The following DCAF8L2 variants were observed in gnomAD, a reference collection of about 807,000 sequenced individuals.
DCAF8L2 encodes the protein DDB1- and CUL4-associated factor 8-like protein 2.
For synonymous variants in DCAF8L2, 200 were observed against 190.9 expected, an observed-to-expected ratio of 1.05 and a Z score of -0.39; for missense variants, 430 against 490.7, an observed-to-expected ratio of 0.88 and a Z score of 1.17.
intron 4 of DCAF8L2, among the ~76,000 whole-genome samples, chrX:27,727,261 G>A (rs920646566): frequency 1.8e-5 from 2 of 111,181 alleles, no homozygotes; most frequent in African/African-American, 3.3e-5. Context: ...TAATCTATAT[G>A]TCTCATTTGT....
chrX:27,644,582 T>C (rs113078524), intron 2 of DCAF8L2, among the ~76,000 whole-genome samples: 2 of 110,145 alleles, frequency 1.8e-5, no homozygotes, highest in Non-Finnish European at 3.8e-5. Flanking sequence ...ATAGCTCAGC[T>C]TTCAGGAAGC....
At chrX:27,651,505 CTTT>C (rs1170253991) in intron 2 of DCAF8L2, among the ~76,000 whole-genome samples, 2 of 88,216 alleles carry the variant, frequency 2.3e-5, no homozygotes, top group Non-Finnish European at 4.4e-5. Context: ...AGTAGATAAC[CTTT>C]TTTTTTTTTT....
intron 2 of DCAF8L2, among the ~76,000 whole-genome samples, chrX:27,642,878 T>C (rs867250161): frequency 1.8e-5 from 2 of 112,034 alleles, no homozygotes; most frequent in Non-Finnish European, 3.8e-5. Context: ...GCAGGTGATA[T>C]GACAAGCATC....
chrX:27,577,528 A>T, the DCAF8L2 span, among the ~76,000 whole-genome samples: 1 of 112,080 alleles, frequency 8.9e-6, no homozygotes, highest in Non-Finnish European at 1.9e-5. Flanking sequence ...TATTAAAGAC[A>T]TAAAATAGGA....
chrX:27,601,101 C>T (rs940680807), intron 1 of DCAF8L2, among the ~76,000 whole-genome samples: 2 of 111,164 alleles, frequency 1.8e-5, no homozygotes, highest in Non-Finnish European at 3.8e-5. Flanking sequence ...CAACACCTGG[C>T]TAATTTTTGT....
chrX:27,518,099 TA>T, the DCAF8L2 span: 21 of 903,429 alleles, frequency 2.3e-5, no homozygotes, highest in Non-Finnish European at 3.2e-5. Context: ...TCTGAGGAAT[TA>T]ATTCAAGAAA....
intron 1 of DCAF8L2, among the ~76,000 whole-genome samples, chrX:27,621,632 A>ACC (rs1927763982): frequency 9.0e-6 from 1 of 111,017 alleles, no homozygotes; most frequent in African/African-American, 3.3e-5. Flanking sequence ...GCAAACGTAC[A>ACC]CCCCCACACC....
chrX:27,561,526 C>A, the DCAF8L2 span, among the ~76,000 whole-genome samples: 1 of 111,361 alleles, frequency 9.0e-6, no homozygotes, highest in Admixed American at 9.6e-5. Context: ...ACTACCATCA[C>A]CATGATCTAA....
chrX:27,618,329 A>AC (rs930747909), intron 1 of DCAF8L2, among the ~76,000 whole-genome samples: 1 of 111,523 alleles, frequency 9.0e-6, no homozygotes, highest in Non-Finnish European at 1.9e-5. Flanking sequence ...TGGGGGTAAC[A>AC]CACGGGTAAA....
chrX:27,527,925 T>A, the DCAF8L2 span, among the ~76,000 whole-genome samples: 1 of 108,705 alleles, frequency 9.2e-6, no homozygotes. Context: ...GTGCTGGGAT[T>A]ACAGGCATAA....
intron 1 of DCAF8L2, among the ~76,000 whole-genome samples, chrX:27,601,548 A>T (rs1313676032): frequency 1.8e-5 from 2 of 110,725 alleles, no homozygotes; most frequent in Non-Finnish European, 3.8e-5. Flanking sequence ...AAAAATACAG[A>T]AGTTAGCCGA....
At chrX:27,541,514 A>G in the DCAF8L2 span, among the ~76,000 whole-genome samples, 1 of 107,825 alleles carries the variant, frequency 9.3e-6, no homozygotes, top group Non-Finnish European at 1.9e-5. Context: ...GGATTCAGGC[A>G]TGCGCTACCA....
chrX:27,524,976 C>T, the DCAF8L2 span, among the ~76,000 whole-genome samples: 3 of 111,821 alleles, frequency 2.7e-5, no homozygotes, highest in Admixed American at 1.9e-4. Context: ...GGAATAAGTG[C>T]GATGTGGTGC....
At chrX:27,546,945 T>C in the DCAF8L2 span, among the ~76,000 whole-genome samples, 3 of 112,721 alleles carry the variant, frequency 2.7e-5, no homozygotes, top group Admixed American at 1.9e-4. Flanking sequence ...GGTTTATCTT[T>C]ACTTATGAAA....
the DCAF8L2 span, among the ~76,000 whole-genome samples, chrX:27,542,644 G>A: frequency 3.3e-5 from 3 of 90,762 alleles, no homozygotes; most frequent in African/African-American, 1.2e-4. Context: ...CCGGGTTCAC[G>A]CCATTCTCCT....
chrX:27,518,060 T>C, the DCAF8L2 span: 4 of 920,755 alleles, frequency 4.3e-6, no homozygotes, highest in African/African-American at 1.9e-5. Context: ...CAGTTCTAGT[T>C]TAGAGCTAAA....
the DCAF8L2 span, among the ~76,000 whole-genome samples, chrX:27,544,714 A>C: frequency 1.8e-5 from 2 of 112,266 alleles, no homozygotes; most frequent in African/African-American, 6.5e-5. Flanking sequence ...TAATTGATAG[A>C]AAAAGAGTTA....
chrX:27,587,985 A>AAAAAAAAAAATATATAT, upstream of DCAF8L2, among the ~76,000 whole-genome samples: 7 of 22,358 alleles, frequency 3.1e-4, no homozygotes, highest in African/African-American at 6.9e-4. Flanking sequence ...TAAAAAAAAA[A>AAAAAAAAAAATATATAT]ATATATATAT....
chrX:27,704,285 T>C (rs1418506834), intron 3 of DCAF8L2, among the ~76,000 whole-genome samples: 2 of 107,101 alleles, frequency 1.9e-5, no homozygotes, highest in South Asian at 3.8e-4. Context: ...TGTACATATA[T>C]ATATACATAT....
Sources: gnomAD v4.1 joint callset for allele counts (sites outside exome capture counted in the v4.1 genomes callset) on GRCh38, gnomAD v4.1.1 for gene constraint, MANE v1.5 for transcripts, NCBI Gene and HGNC (gene_info 2026-07-23, HGNC 2026-07-21) for gene names.